The following LIN52 variants were observed in gnomAD, a reference collection of about 807,000 sequenced individuals.
The protein encoded by LIN52 is lin-52 DREAM MuvB core complex component.
A neutral mutation model predicts 18.5 loss-of-function variants in LIN52; 4 were observed. That is an observed-to-expected ratio of 0.22 (90% CI 0.11 to 0.49). The LOEUF (loss-of-function observed/expected upper bound fraction) is 0.49, where lower values mean the gene tolerates loss of function less well. Ranked by LOEUF, LIN52 falls within the 20% of genes least tolerant of loss-of-function variation. LIN52 has a pLI of 0.97. For missense variants in LIN52, 102 were observed against 139.5 expected (o/e 0.73, Z 1.35); for synonymous variants, 34 against 45.5 (o/e 0.75, Z 1.02).
intron 5 of LIN52, among the ~76,000 whole-genome samples, chr14:74,137,307 ATAT>A (rs78447334): frequency 0.18 from 27,887 of 151,018 alleles, 2,762 homozygotes; most frequent in South Asian, 0.43. Context: ...TTTCTATATA[ATAT>A]TATCACATCC....
At chr14:74,089,699 G>A (rs1360603670) in intron 1 of LIN52, among the ~76,000 whole-genome samples, 1 of 152,104 alleles carries the variant, frequency 6.6e-6, no homozygotes, top group Non-Finnish European at 1.5e-5. Flanking sequence ...TAAATAGAGA[G>A]GGATTCAAAT....
chr14:74,136,384 A>G (rs2061097967), intron 5 of LIN52, among the ~76,000 whole-genome samples: 1 of 152,224 alleles, frequency 6.6e-6, no homozygotes. Flanking sequence ...GATTACAGAA[A>G]TAAGCTTTCT....
At chr14:74,139,104 G>C (rs926738216) in intron 5 of LIN52, among the ~76,000 whole-genome samples, 1 of 152,030 alleles carries the variant, frequency 6.6e-6, no homozygotes, top group Non-Finnish European at 1.5e-5. Context: ...CAAGAAGGTG[G>C]GGTAGGAATT....
intron 5 of LIN52, among the ~76,000 whole-genome samples, chr14:74,153,007 A>G (rs1476304752): frequency 6.8e-6 from 1 of 148,096 alleles, no homozygotes; most frequent in East Asian, 2.0e-4. Context: ...TAGTATTTTT[A>G]TGTATCAGAT....
At chr14:74,087,689 T>G (rs1050951394) in intron 1 of LIN52, among the ~76,000 whole-genome samples, 1 of 152,198 alleles carries the variant, frequency 6.6e-6, no homozygotes. Flanking sequence ...CTTTAAAATT[T>G]AATTCAGATA....
chr14:74,119,032 G>A (rs1171646182), intron 5 of LIN52, among the ~76,000 whole-genome samples: 1 of 151,944 alleles, frequency 6.6e-6, no homozygotes, highest in Non-Finnish European at 1.5e-5. Context: ...ATTGTAAGAA[G>A]TTACCACAAT....
chr14:74,142,683 A>G (rs1431534348), intron 5 of LIN52, among the ~76,000 whole-genome samples: 3 of 151,714 alleles, frequency 2.0e-5, no homozygotes, highest in Non-Finnish European at 4.4e-5. Flanking sequence ...TCAGCAAACT[A>G]TGGCCTGCAA....
intron 5 of LIN52, among the ~76,000 whole-genome samples, chr14:74,144,376 C>G (rs577465106): frequency 6.6e-6 from 1 of 152,122 alleles, no homozygotes; most frequent in South Asian, 2.1e-4. Flanking sequence ...ATCCTCCCAC[C>G]TTGGCCTTCC....
At chr14:74,165,513 C>CTTTTTTTT (rs71460962) in intron 5 of LIN52, among the ~76,000 whole-genome samples, 18 of 110,180 alleles carry the variant, frequency 1.6e-4, no homozygotes, top group African/African-American at 6.0e-4. Flanking sequence ...GTTTTCTTTT[C>CTTTTTTTT]TTTTTTTTTT....
chr14:74,191,536 C>T (rs979705966), intron 5 of LIN52, among the ~76,000 whole-genome samples: 4 of 151,950 alleles, frequency 2.6e-5, no homozygotes, highest in Non-Finnish European at 4.4e-5. Context: ...ATAACTATAA[C>T]AAATGGCATC....
At chr14:74,119,947 T>C (rs1469943716) in intron 5 of LIN52, among the ~76,000 whole-genome samples, 1 of 152,006 alleles carries the variant, frequency 6.6e-6, no homozygotes, top group African/African-American at 2.4e-5. Context: ...GCGATTCTCC[T>C]GCCTCAGCCT....
intron 3 of LIN52, among the ~76,000 whole-genome samples, chr14:74,097,236 T>A (rs2060819389): frequency 6.6e-6 from 1 of 152,186 alleles, no homozygotes; most frequent in South Asian, 2.1e-4. Context: ...CATAAATCAG[T>A]AATAGTGGTC....
intron 5 of LIN52, among the ~76,000 whole-genome samples, chr14:74,136,712 G>A (rs771444887): frequency 1.3e-4 from 20 of 152,114 alleles, no homozygotes; most frequent in Non-Finnish European, 2.1e-4. Flanking sequence ...TCTGCAAGAG[G>A]GATTGATAAC....
At chr14:74,184,051 T>G (rs2061330975) in intron 5 of LIN52, among the ~76,000 whole-genome samples, 1 of 152,206 alleles carries the variant, frequency 6.6e-6, no homozygotes, top group African/African-American at 2.4e-5. Flanking sequence ...TCTGGATTTT[T>G]TCCCCATTAA....
intron 5 of LIN52, among the ~76,000 whole-genome samples, chr14:74,110,588 T>C (rs1462994820): frequency 6.6e-6 from 1 of 152,074 alleles, no homozygotes; most frequent in African/African-American, 2.4e-5. Context: ...GAGAATCGCT[T>C]GAACCTGGGA....
In LIN52 at chr14:74,143,530, G is replaced by A. The variant is rs1595173504; in HGVS notation, c.283+42292G>A. ...GATTGCTCCACTGCACTCCAGCCTGGGCAACAGAATGAGAAGCCTCTGTCT... is the reference window on the plus strand; with the variant it reads ...GATTGCTCCACTGCACTCCAGCCTGAGCAACAGAATGAGAAGCCTCTGTCT... On this transcript the variant is annotated intron_variant, in intron 5 of 5. Transcript: ENST00000555028. Among the ~76,000 whole-genome samples the A allele has an allele frequency of 3.3e-5, 5 of 152,030 alleles. No individual in the cohort carries two copies. The East Asian group carries it at 9.6e-4, about 29-fold the overall frequency.
At chr14:74,160,379 T>C (rs747458928) in intron 5 of LIN52, among the ~76,000 whole-genome samples, 1 of 152,162 alleles carries the variant, frequency 6.6e-6, no homozygotes, top group Non-Finnish European at 1.5e-5. Flanking sequence ...AATACCCTTC[T>C]CTCTATAGGA....
intron 5 of LIN52, among the ~76,000 whole-genome samples, chr14:74,156,877 A>G (rs371385373): frequency 3.3e-5 from 5 of 152,168 alleles, no homozygotes; most frequent in East Asian, 3.9e-4. Flanking sequence ...GCTTTTACAT[A>G]TGAGTGAGAA....
At chr14:74,118,188 G>T (rs1307211035) in intron 5 of LIN52, among the ~76,000 whole-genome samples, 1 of 152,086 alleles carries the variant, frequency 6.6e-6, no homozygotes, top group Non-Finnish European at 1.5e-5. Context: ...CTGAGCCCAG[G>T]AGTTTGAGAC....
Sources: allele counts gnomAD v4.1 joint callset (sites outside exome capture counted in the v4.1 genomes callset), GRCh38; gene constraint gnomAD v4.1.1; transcripts MANE v1.5; gene names NCBI Gene and HGNC (gene_info 2026-07-23, HGNC 2026-07-21).